LARS2: variants seen among roughly 807,000 people sequenced by gnomAD.
LARS2 encodes the protein leucine--tRNA ligase, mitochondrial.
In LARS2, 81 loss-of-function variants were observed where a neutral mutation model predicts 116.6. The ratio of observed to expected loss-of-function variants is 0.69; its 90% CI spans 0.58 to 0.84. LARS2 has a LOEUF of 0.84. LARS2 is among the 40% of genes least tolerant of loss of function. The pLI, the probability that LARS2 is intolerant of heterozygous loss-of-function variation, is 0.00. For missense variants in LARS2, 968 were observed against 1,114.5 expected, an observed-to-expected ratio of 0.87 and a Z score of 1.87; for synonymous variants, 396 against 407.2, an observed-to-expected ratio of 0.97 and a Z score of 0.33.
intron 14 of LARS2, among the ~76,000 whole-genome samples, chr3:45,498,112 G>A (rs1700048628): frequency 6.6e-6 from 1 of 152,204 alleles, no homozygotes; most frequent in Non-Finnish European, 1.5e-5. Context: ...TAGAATGCAA[G>A]TGAGGTCAGG....
chr3:45,482,349 G>A (rs1466943589), intron 10 of LARS2, among the ~76,000 whole-genome samples: 1 of 152,118 alleles, frequency 6.6e-6, no homozygotes, highest in African/African-American at 2.4e-5. Context: ...TTGCTTCATA[G>A]AATTTTCCTT....
intron 7 of LARS2, among the ~76,000 whole-genome samples, chr3:45,453,762 A>G (rs1699172480): frequency 6.6e-6 from 1 of 152,196 alleles, no homozygotes; most frequent in Admixed American, 6.5e-5. Flanking sequence ...AAAGAAGCTA[A>G]TAGACCTTGA....
intron 7 of LARS2, among the ~76,000 whole-genome samples, chr3:45,448,019 A>G (rs970029112): frequency 4.6e-5 from 7 of 152,160 alleles, no homozygotes; most frequent in Non-Finnish European, 1.0e-4. Flanking sequence ...AGATTGATGC[A>G]GGAGGATTGC....
intron 7 of LARS2, among the ~76,000 whole-genome samples, chr3:45,452,558 T>C (rs1699151718): frequency 6.6e-6 from 1 of 152,174 alleles, no homozygotes; most frequent in South Asian, 2.1e-4. Context: ...TGGTGAATGA[T>C]CTTTTTAATG....
chr3:45,403,549 CAG>C (rs1298887888), intron 4 of LARS2, among the ~76,000 whole-genome samples: 4 of 152,164 alleles, frequency 2.6e-5, no homozygotes, highest in African/African-American at 9.6e-5. Context: ...CTCCTGACCT[CAG>C]ATGATCCGCC....
chr3:45,533,642 G>T (rs1036973250), intron 20 of LARS2, among the ~76,000 whole-genome samples: 2 of 152,122 alleles, frequency 1.3e-5, no homozygotes, highest in Non-Finnish European at 2.9e-5. Context: ...TGATGTAAAT[G>T]GGATTTTCAG....
At chr3:45,449,402 T>G (rs112295764) in intron 7 of LARS2, among the ~76,000 whole-genome samples, 27 of 152,234 alleles carry the variant, frequency 1.8e-4, no homozygotes, top group African/African-American at 6.0e-4. Flanking sequence ...ACTCAGGTGA[T>G]CTGCCCGCCT....
chr3:45,415,906 G>T (rs1421071533), intron 4 of LARS2, among the ~76,000 whole-genome samples: 20 of 146,434 alleles, frequency 1.4e-4, no homozygotes, highest in Admixed American at 4.7e-4. Flanking sequence ...GAGAGAGAGA[G>T]AGAGAGAGAG....
rs56083007 is a variant in LARS2 at position 45,520,628 on chromosome 3, C to A, written c.2292+332C>A. Among the ~76,000 whole-genome samples, 256 of 152,258 alleles carry A rather than the reference C, an allele frequency of 1.7e-3. 1 individual carries two copies. The highest frequency in any genetic ancestry group is 5.9e-3 in the African/African-American group (246 of 41,544). ...CCTGTCTTCTGGCTCTTTGCACCCC[C>A]GCTGTCTGATTTCATGAATGAATTG... On this transcript the variant is annotated intron_variant, in intron 19 of 21. Transcript: ENST00000645846.
chr3:45,493,236 A>G (rs1440618467), intron 13 of LARS2, among the ~76,000 whole-genome samples: 1 of 152,040 alleles, frequency 6.6e-6, no homozygotes, highest in African/African-American at 2.4e-5. Flanking sequence ...AGTAGCTGGG[A>G]CTACAGGTGC....
chr3:45,419,438 C>T (rs747330019), intron 5 of LARS2, among the ~76,000 whole-genome samples: 1 of 152,186 alleles, frequency 6.6e-6, no homozygotes, highest in African/African-American at 2.4e-5. Context: ...GGCCAAAGAC[C>T]ATTGTGGTTT....
At chr3:45,426,720 C>T (rs1012187998) in intron 6 of LARS2, among the ~76,000 whole-genome samples, 1 of 152,118 alleles carries the variant, frequency 6.6e-6, no homozygotes, top group African/African-American at 2.4e-5. Flanking sequence ...TGTTTTTCAT[C>T]GCTTCAGCCA....
At chr3:45,546,754 G>C (rs1445744129) in intron 21 of LARS2, among the ~76,000 whole-genome samples, 1 of 152,168 alleles carries the variant, frequency 6.6e-6, no homozygotes, top group Non-Finnish European at 1.5e-5. Flanking sequence ...GTCTGGAACT[G>C]TACTGACCCA....
At chr3:45,415,456 A>G (rs2125684732) in intron 4 of LARS2, among the ~76,000 whole-genome samples, 1 of 152,274 alleles carries the variant, frequency 6.6e-6, no homozygotes. Flanking sequence ...TATCATCCCC[A>G]TTTTACAGAC....
chr3:45,408,596 C>T (rs533848936), intron 4 of LARS2, among the ~76,000 whole-genome samples: 1 of 152,236 alleles, frequency 6.6e-6, no homozygotes, highest in South Asian at 2.1e-4. Context: ...AGGGAGAGGC[C>T]AGAAAATTTC....
intron 8 of LARS2, among the ~76,000 whole-genome samples, chr3:45,464,033 C>T (rs1207569781): frequency 1.3e-5 from 2 of 152,228 alleles, no homozygotes; most frequent in African/African-American, 2.4e-5. Context: ...AGATGGGCAA[C>T]AGTGAGCCAT....
Position 45,520,255 on chromosome 3 carries a change from T to G in LARS2, c.2251T>G (p.Ser751Ala). Residue 751 changes from serine to alanine, a missense_variant, in exon 19 of 22, where the codon TCT (serine) becomes GCT (alanine). By Grantham distance (99) the Ser-to-Ala change is moderately conservative. Transcript: ENST00000645846. ...TTTCACAGAGGACTTCTCACTGAATTCTGCAATTTCTCAGCTGATGGGACT... is the reference window on the plus strand; with the variant it reads ...TTTCACAGAGGACTTCTCACTGAATGCTGCAATTTCTCAGCTGATGGGACT... Reference protein sequence around the residue: ...THFTEDFSLNSAISQLMGLSN... With the variant: ...THFTEDFSLNAAISQLMGLSN... 2 of 1,613,858 alleles carry G rather than the reference T, an allele frequency of 1.2e-6. No individual in the cohort carries two copies. Among genetic ancestry groups the G allele is most frequent in the Non-Finnish European group, 1.7e-6 (2 of 1,179,714 alleles).
At position 45,491,526 on chromosome 3, in the gene LARS2, A is replaced by G. The variant is rs763616548; in HGVS notation, c.1249A>G (p.Met417Val). The G allele has an allele frequency of 5.6e-6, 9 of 1,614,008 alleles. No homozygotes were observed. Among genetic ancestry groups the G allele is most frequent in the Middle Eastern group, 1.6e-4 (1 of 6,084 alleles). Residue 417 changes from methionine to valine, a missense_variant, in exon 13 of 22, where the codon ATG becomes GTG. Met to Val is a conservative substitution (Grantham distance 21, BLOSUM62 1). Coordinates refer to ENST00000645846, the MANE Select transcript of LARS2 (RefSeq NM_015340.4). ...TTTCTTTCCCTGTCAGTTCACAGGT[A>G]TGACCCGGCAGGATGCTTTTCTAGC... Reference protein sequence around the residue: ...RLSSSAEFTGMTRQDAFLALT... With the variant: ...RLSSSAEFTGVTRQDAFLALT...
At position 45,504,771 on chromosome 3, in the gene LARS2, G is replaced by GT. The variant is rs879312474; in HGVS notation, c.1760+4203dup. Reference sequence around the variant, plus strand: ...GTGTTTTTTTTGTTTTGTTTTGTTTGTTTTTTTTTTTAAGAAATTGAGTTT... The same window carrying GT: ...GTGTTTTTTTTGTTTTGTTTTGTTTGTTTTTTTTTTTTAAGAAATTGAGTTT... On this transcript the variant is annotated intron_variant, in intron 15 of 21. Transcript: ENST00000645846. 2.7e-3 allele frequency among the ~76,000 whole-genome samples: 384 copies of GT among 144,320 alleles called. 3 individuals are homozygous for GT. The highest frequency in any genetic ancestry group is 0.011 in the Middle Eastern group (3 of 278). 94.7% of individuals were successfully genotyped at this position (144,320 alleles called of 152,430 possible). A position where few individuals can be genotyped will look rare whatever the true frequency, so the allele number is the denominator to read the frequency against.
Sources: allele counts gnomAD v4.1 joint callset (sites outside exome capture counted in the v4.1 genomes callset), GRCh38; gene constraint gnomAD v4.1.1; transcripts MANE v1.5; gene names NCBI Gene and HGNC (gene_info 2026-07-23, HGNC 2026-07-21).